SAMM50: variants seen among roughly 807,000 people sequenced by gnomAD.
SAMM50 encodes sorting and assembly machinery component 50 homolog.
In SAMM50, 47 loss-of-function variants were observed where a neutral mutation model predicts 66.9. The observed-to-expected ratio is 0.70, with a 90% confidence interval of 0.56 to 0.90. SAMM50 has a LOEUF of 0.90. Ranked by LOEUF, SAMM50 falls within the 40% of genes least tolerant of loss-of-function variation. SAMM50 has a pLI of 0.00. For missense variants in SAMM50, 535 were observed against 595.3 expected, an observed-to-expected ratio of 0.90 and a Z score of 1.05; for synonymous variants, 191 against 214.1, an observed-to-expected ratio of 0.89 and a Z score of 0.94.
intron 2 of SAMM50, among the ~76,000 whole-genome samples, chr22:43,964,058 C>A (rs9626071): frequency 0.046 from 7,064 of 152,178 alleles, 227 homozygotes; most frequent in Middle Eastern, 0.075. Flanking sequence ...TAGGCGTGCA[C>A]CACCACACCT....
intron 14 of SAMM50, 61 bp from the exon 15 acceptor site, chr22:43,996,277 G>A (rs1464502418): frequency 2.5e-6 from 4 of 1,571,084 alleles, no homozygotes; most frequent in Non-Finnish European, 3.5e-6. Flanking sequence ...TGCTCAGTGA[G>A]TCGTGAAGAT....
At chr22:43,979,955 C>T (rs2050253785) in intron 10 of SAMM50, among the ~76,000 whole-genome samples, 1 of 151,056 alleles carries the variant, frequency 6.6e-6, no homozygotes, top group South Asian at 2.1e-4. Flanking sequence ...AGGTGTGTCT[C>T]CTGCAAGCCT....
rs1312143676 is a variant in SAMM50 at position 43,955,459 on chromosome 22, G to A, written c.-119G>A. 1.3e-5 allele frequency: 15 copies of A among 1,193,862 alleles called. No homozygotes were observed. The highest frequency in any genetic ancestry group is 2.0e-5 in the Admixed American group (1 of 49,486). The allele number at this position is 1,193,862 out of a possible 1,614,324, so 74.0% of individuals were successfully genotyped here. A position where few individuals can be genotyped will look rare whatever the true frequency, so the allele number is the denominator to read the frequency against. ...CCGCCCCCAGTGTTCCGCGTCCGGGGGTTTGTGGGAGTTGCCTTGACCTGC... is the reference window on the plus strand; with the variant it reads ...CCGCCCCCAGTGTTCCGCGTCCGGGAGTTTGTGGGAGTTGCCTTGACCTGC... On this transcript the variant is annotated 5_prime_UTR_variant, in exon 1 of 15. Coordinates refer to ENST00000350028, the MANE Select transcript of SAMM50 (RefSeq NM_015380.5).
At chr22:43,970,785 T>C (rs1171778586) in intron 4 of SAMM50, among the ~76,000 whole-genome samples, 1 of 152,088 alleles carries the variant, frequency 6.6e-6, no homozygotes, top group African/African-American at 2.4e-5. Context: ...TTCAATTCTT[T>C]ATCTTTCTGT....
intron 9 of SAMM50, 124 bp downstream of exon 9, chr22:43,976,945 G>GT: frequency 1.6e-6 from 1 of 617,880 alleles, no homozygotes. Context: ...CGCACATGCA[G>GT]TATCGCTTTT....
chr22:43,968,708 G>GT (rs780596426), intron 3 of SAMM50, 23 bp from the exon 4 acceptor site: 72 of 1,525,522 alleles, frequency 4.7e-5, no homozygotes, highest in Non-Finnish European at 6.1e-5. Context: ...TATATTCCTT[G>GT]TTTTTCTTCC....
chr22:43,956,848 C>T (rs1025746733), intron 1 of SAMM50, among the ~76,000 whole-genome samples: 5 of 152,158 alleles, frequency 3.3e-5, no homozygotes, highest in African/African-American at 1.2e-4. Flanking sequence ...TCTAAAGCAA[C>T]TCTTAAGCAA....
At chr22:43,956,176 G>A (rs1401654841) in intron 1 of SAMM50, among the ~76,000 whole-genome samples, 1 of 152,136 alleles carries the variant, frequency 6.6e-6, no homozygotes, top group East Asian at 1.9e-4. Flanking sequence ...TGGGTGCCTG[G>A]CGCCTGACTA....
At chr22:43,974,613 A>C (rs1216182164) in intron 7 of SAMM50, 1 of 152,200 alleles carries the variant, frequency 6.6e-6, no homozygotes, top group African/African-American at 2.4e-5. Context: ...CTTTTCTCCA[A>C]ATTTTCTTGT....
At chr22:43,970,929 A>G (rs2235771) in intron 4 of SAMM50, among the ~76,000 whole-genome samples, 99,671 of 152,144 alleles carry the variant, frequency 0.66, 33,182 homozygotes, top group East Asian at 0.83. Context: ...CACTTTGGGA[A>G]GCCAGGGCGG....
At chr22:43,977,828 T>G in intron 9 of SAMM50, 44 bp from the exon 10 acceptor site, 1 of 1,313,894 alleles carries the variant, frequency 7.6e-7, no homozygotes, top group African/African-American at 1.5e-5. Flanking sequence ...GCCCCTGTAA[T>G]AAGTCTGTTT....
At chr22:43,972,408 G>A in intron 5 of SAMM50, 66 bp downstream of exon 5, 1 of 883,118 alleles carries the variant, frequency 1.1e-6, no homozygotes, top group Non-Finnish European at 1.7e-6. Flanking sequence ...CACTATGACT[G>A]CATTCTAAAA....
intron 11 of SAMM50, among the ~76,000 whole-genome samples, chr22:43,982,815 T>C (rs1210321570): frequency 6.6e-6 from 1 of 152,170 alleles, no homozygotes; most frequent in Non-Finnish European, 1.5e-5. Context: ...TTTGTATTTT[T>C]AGTAGAGGCG....
chr22:43,980,570 C>T (rs1294241820), intron 10 of SAMM50, among the ~76,000 whole-genome samples: 2 of 151,946 alleles, frequency 1.3e-5, no homozygotes, highest in Non-Finnish European at 2.9e-5. Flanking sequence ...CGGATGTGGG[C>T]TCTTGCTTCC....
At position 43,964,455 on chromosome 22, in the gene SAMM50, G is replaced by A. The variant is rs143095808; in HGVS notation, c.136G>A (p.Val46Ile). Residue 46 changes from valine (V) to isoleucine (I), a missense_variant, in exon 3 of 15, where the codon GTT (valine) becomes ATT (isoleucine). Physicochemically the swap from Val to Ile is conservative, Grantham distance 29 (BLOSUM62 3). Transcript: ENST00000350028. ...KQEILENKDV[V>I]VQHVHFDGLG... ...ACTGTCCCTGTGTGACTTTTAGGTG[G>A]TTGTTCAACATGTTCATTTTGATGG... 5,383 of 1,587,678 alleles carry A rather than the reference G, an allele frequency of 3.4e-3. 14 individuals carry two copies. The highest frequency in any genetic ancestry group is 4.4e-3 in the Non-Finnish European group (5,056 of 1,156,182).
chr22:43,986,159 C>T (rs557150615), intron 12 of SAMM50, among the ~76,000 whole-genome samples: 2 of 150,314 alleles, frequency 1.3e-5, no homozygotes, highest in Non-Finnish European at 3.0e-5. Flanking sequence ...TCTCCTGCCT[C>T]ATCCTCCTGA....
rs1603419341 is a variant in SAMM50, at chr22:43,975,012, T to G, written c.649-1043T>G. 4 of 152,294 alleles carry G rather than the reference T, an allele frequency of 2.6e-5. No individual in the cohort carries two copies. The Middle Eastern group carries it at 0.014, about 515-fold the overall frequency. The allele number at this position is 152,294 out of a possible 1,614,324, so 9.4% of individuals were successfully genotyped here. On this transcript the variant is annotated intron_variant, in intron 7 of 14. Transcript: ENST00000350028. ...GCCGGCAGCCCTGAAGCTGAGCTCC[T>G]AGAGGAACGGACCAGATCATACTCA...
intron 14 of SAMM50, among the ~76,000 whole-genome samples, chr22:43,992,279 C>T (rs1339468038): frequency 1.3e-5 from 2 of 152,230 alleles, no homozygotes; most frequent in African/African-American, 4.8e-5. Flanking sequence ...GTGCAGTCTG[C>T]GTCTGTCATT....
At chr22:43,988,060 A>T (rs999245560) in intron 12 of SAMM50, 1 of 152,020 alleles carries the variant, frequency 6.6e-6, no homozygotes, top group Admixed American at 6.6e-5. Flanking sequence ...AAATATTTTC[A>T]TTTTTTTCTC....
Sources: gnomAD v4.1 joint callset for allele counts (sites outside exome capture counted in the v4.1 genomes callset) on GRCh38, gnomAD v4.1.1 for gene constraint, MANE v1.5 for transcripts, NCBI Gene and HGNC (gene_info 2026-07-23, HGNC 2026-07-21) for gene names.